RAB27B: variants seen among roughly 807,000 people sequenced by gnomAD.
The protein encoded by RAB27B is RAB27B, member RAS oncogene family.
In RAB27B, 15 loss-of-function variants were observed where a neutral mutation model predicts 24.6. The ratio of observed to expected loss-of-function variants is 0.61; its 90% CI spans 0.41 to 0.94. The LOEUF is 0.94. Among genes scored for constraint, RAB27B ranks in the 40% least tolerant of loss-of-function variants. The pLI, the probability that RAB27B is intolerant of heterozygous loss-of-function variation, is 0.00. For synonymous variants in RAB27B, 105 were observed against 92.5 expected (o/e 1.14, Z -0.78); for missense variants, 261 against 266.8 (o/e 0.98, Z 0.15).
chr18:54,877,167 T>C (rs1912736957), intron 1 of RAB27B, among the ~76,000 whole-genome samples: 2 of 152,222 alleles, frequency 1.3e-5, no homozygotes, highest in African/African-American at 4.8e-5. Context: ...TCTCATTCTC[T>C]CTCTTGCCAC....
intron 1 of RAB27B, among the ~76,000 whole-genome samples, chr18:54,871,678 G>T (rs559292642): frequency 1.3e-4 from 20 of 151,874 alleles, no homozygotes; most frequent in Admixed American, 3.9e-4. Flanking sequence ...GTGAAACCCC[G>T]TCTCTACTAA....
intron 1 of RAB27B, among the ~76,000 whole-genome samples, chr18:54,853,797 A>C (rs956950595): frequency 6.6e-6 from 1 of 152,094 alleles, no homozygotes; most frequent in Non-Finnish European, 1.5e-5. Flanking sequence ...AGTTTAGAAA[A>C]TTCCTTTTTT....
At chr18:54,813,377 T>A (rs528141463) in intron 2 of RAB27B, among the ~76,000 whole-genome samples, 1 of 152,346 alleles carries the variant, frequency 6.6e-6, no homozygotes, top group South Asian at 2.1e-4. Context: ...CCAAATCTCA[T>A]GTTGAAATGT....
At chr18:54,725,082 G>A (rs1909487684) in intron 2 of RAB27B, among the ~76,000 whole-genome samples, 1 of 151,428 alleles carries the variant, frequency 6.6e-6, no homozygotes, top group South Asian at 2.1e-4. Context: ...TGTGTTTCAT[G>A]GCAATGTGGT....
intron 2 of RAB27B, among the ~76,000 whole-genome samples, chr18:54,724,221 C>G (rs574465583): frequency 1.3e-5 from 2 of 151,672 alleles, no homozygotes; most frequent in South Asian, 4.2e-4. Flanking sequence ...TCCAAAAATT[C>G]AACCAGGTCA....
intron 1 of RAB27B, among the ~76,000 whole-genome samples, chr18:54,830,487 C>T (rs985246716): frequency 9.9e-5 from 15 of 152,132 alleles, no homozygotes; most frequent in African/African-American, 3.4e-4. Flanking sequence ...TAGTTCAGCT[C>T]TTAAGCAAGT....
At chr18:54,820,889 C>A (rs901637040) in intron 2 of RAB27B, among the ~76,000 whole-genome samples, 2 of 143,620 alleles carry the variant, frequency 1.4e-5, no homozygotes, top group African/African-American at 5.0e-5. Flanking sequence ...TTCCCCATTT[C>A]TTGGTTTTGT....
At chr18:54,858,885 G>A (rs931990147) in intron 1 of RAB27B, among the ~76,000 whole-genome samples, 2 of 152,172 alleles carry the variant, frequency 1.3e-5, no homozygotes, top group Non-Finnish European at 2.9e-5. Context: ...TCAATAAACT[G>A]GAAGTGTCAG....
intron 2 of RAB27B, among the ~76,000 whole-genome samples, chr18:54,733,304 T>C (rs1909783878): frequency 6.6e-6 from 1 of 152,134 alleles, no homozygotes; most frequent in Non-Finnish European, 1.5e-5. Context: ...TGCCTCTGCC[T>C]CTCAAAGCAC....
chr18:54,779,207 C>T (rs906783329), intron 2 of RAB27B, among the ~76,000 whole-genome samples: 2 of 152,090 alleles, frequency 1.3e-5, no homozygotes, highest in South Asian at 2.1e-4. Context: ...TTTTAAATAG[C>T]GGTTATTTCT....
At chr18:54,801,093 A>AC (rs1909595437) in intron 2 of RAB27B, among the ~76,000 whole-genome samples, 1 of 140,816 alleles carries the variant, frequency 7.1e-6, no homozygotes, top group Non-Finnish European at 1.5e-5. Flanking sequence ...GCTCACTGCA[A>AC]CCCCCGTCTC....
intron 2 of RAB27B, among the ~76,000 whole-genome samples, chr18:54,747,993 C>G (rs1910307889): frequency 6.6e-6 from 1 of 151,950 alleles, no homozygotes; most frequent in Non-Finnish European, 1.5e-5. Flanking sequence ...GTTGTCCCAA[C>G]TACCTGGGAG....
At chr18:54,801,349 T>C (rs1909603570) in intron 2 of RAB27B, among the ~76,000 whole-genome samples, 1 of 152,164 alleles carries the variant, frequency 6.6e-6, no homozygotes, top group Non-Finnish European at 1.5e-5. Context: ...TTCAACATTC[T>C]AAAATTCATC....
At chr18:54,867,442 C>CTTTTCTTTTT (rs1555666326) in intron 1 of RAB27B, among the ~76,000 whole-genome samples, 57 of 98,790 alleles carry the variant, frequency 5.8e-4, no homozygotes, top group African/African-American at 8.9e-4. Context: ...CTTTTCTTTT[C>CTTTTCTTTTT]TTTTTTTTTT....
intron 2 of RAB27B, among the ~76,000 whole-genome samples, chr18:54,805,401 A>G (rs1204842407): frequency 6.6e-6 from 1 of 152,102 alleles, no homozygotes; most frequent in Non-Finnish European, 1.5e-5. Context: ...TAATGTTAAA[A>G]CTTCATACTT....
chr18:54,874,371 A>G (rs1272758998), intron 1 of RAB27B, among the ~76,000 whole-genome samples: 1 of 152,194 alleles, frequency 6.6e-6, no homozygotes, highest in Non-Finnish European at 1.5e-5. Flanking sequence ...ACCTTGCAAA[A>G]TTACGTTGTA....
In RAB27B at chr18:54,789,732, C is replaced by T. The variant is rs79722342; in HGVS notation, c.-20+71591C>T. ...AGATCAAATAGTCTCTGTAATATAA[C>T]TAACATATCACAAGGACTGGTTATG... On this transcript the variant is annotated intron_variant, in intron 2 of 4. Coordinates refer to the RAB27B transcript ENST00000586570. 4.5e-3 allele frequency among the ~76,000 whole-genome samples: 692 copies of T among 152,204 alleles called. 8 individuals carry two copies. The highest frequency in any genetic ancestry group is 0.016 in the African/African-American group (654 of 41,546).
intron 2 of RAB27B, among the ~76,000 whole-genome samples, chr18:54,783,135 A>T (rs1299417950): frequency 7.9e-5 from 12 of 151,676 alleles, no homozygotes; most frequent in African/African-American, 7.2e-5. Flanking sequence ...TTTTTTTAAA[A>T]TTTTTTTATT....
intron 2 of RAB27B, among the ~76,000 whole-genome samples, chr18:54,741,528 G>A (rs1323711897): frequency 6.6e-6 from 1 of 151,988 alleles, no homozygotes; most frequent in African/African-American, 2.4e-5. Flanking sequence ...GGGCCTCGCT[G>A]TGTTGCACAG....
Sources: allele counts gnomAD v4.1 joint callset (sites outside exome capture counted in the v4.1 genomes callset), GRCh38; gene constraint gnomAD v4.1.1; transcripts MANE v1.5; gene names NCBI Gene and HGNC (gene_info 2026-07-23, HGNC 2026-07-21).